Variants in SGSM1 observed in about 807,000 individuals in gnomAD.
SGSM1 encodes the protein RUN and TBC1 domain containing 2.
A neutral mutation model predicts 133.8 loss-of-function variants in SGSM1; 73 were observed. The observed-to-expected ratio is 0.55, with a 90% CI of 0.45 to 0.66. SGSM1 has a LOEUF of 0.66. Ranked by LOEUF, SGSM1 falls within the 30% of genes least tolerant of loss-of-function variation. The pLI is 0.00. For missense variants in SGSM1, 1,213 were observed against 1,448.1 expected (o/e 0.84, Z 2.64); for synonymous variants, 563 against 573.0 (o/e 0.98, Z 0.25).
chr22:24,855,188 C>T, intron 6 of SGSM1, 97 bp from the exon 7 acceptor site: 2 of 1,548,488 alleles, frequency 1.3e-6, no homozygotes, highest in Admixed American at 2.0e-5. Context: ...TTCTAGCTGG[C>T]TGGAGGGGAG....
chr22:24,913,052 G>A (rs1000873085), intron 22 of SGSM1, among the ~76,000 whole-genome samples: 6 of 151,984 alleles, frequency 3.9e-5, no homozygotes, highest in South Asian at 2.1e-4. Flanking sequence ...CATAGTCCAC[G>A]GGCTGGCAAC....
intron 2 of SGSM1, among the ~76,000 whole-genome samples, chr22:24,812,169 C>CAAAAA (rs1351864022): frequency 4.3e-5 from 3 of 70,036 alleles, no homozygotes; most frequent in South Asian, 4.4e-4. Flanking sequence ...GACTCCGTCT[C>CAAAAA]AAAAAAAGAA....
At chr22:24,824,238 G>A (rs1279574066) in intron 2 of SGSM1, among the ~76,000 whole-genome samples, 1 of 152,214 alleles carries the variant, frequency 6.6e-6, no homozygotes, top group African/African-American at 2.4e-5. Flanking sequence ...ATCAAGTGGA[G>A]GGGACTGCAT....
chr22:24,855,264 C>T, intron 6 of SGSM1, 21 bp from the exon 7 acceptor site: 1 of 1,601,060 alleles, frequency 6.2e-7, no homozygotes, highest in Non-Finnish European at 8.5e-7. Flanking sequence ...AGTGGGTTTC[C>T]AGCCCCCACA....
Position 24,850,310 on chromosome 22 carries a change from T to C in SGSM1, c.333T>C (p.Asn111=). Residue 111 remains asparagine, a synonymous_variant, in exon 5 of 25, where the codon AAT becomes AAC. Coordinates refer to ENST00000400358, the MANE Select transcript of SGSM1 (RefSeq NM_001098497.3). ...ACCAGATTCAAGGCCTCCAGGAGAA[T>C]GTGCGGAAGCTGCCGAAGCTGCCCA... ...ARNQIQGLQE[N]VRKLPKLPNL... 1 of 1,610,198 alleles carries C rather than the reference T, an allele frequency of 6.2e-7. No individual in the cohort carries two copies. The highest frequency in any genetic ancestry group is 8.5e-7 in the Non-Finnish European group (1 of 1,178,220).
intron 16 of SGSM1, among the ~76,000 whole-genome samples, chr22:24,887,103 TTA>T (rs1224570145): frequency 7.3e-4 from 64 of 88,142 alleles, no homozygotes; most frequent in African/African-American, 2.3e-3. Flanking sequence ...TTACTTGTAC[TTA>T]TTTGTGTGTG....
At chr22:24,842,944 A>G (rs1375569499) in intron 2 of SGSM1, among the ~76,000 whole-genome samples, 1 of 152,166 alleles carries the variant, frequency 6.6e-6, no homozygotes, top group African/African-American at 2.4e-5. Flanking sequence ...GGAGAAAACT[A>G]AGGTTCAGAG....
Position 24,908,003 on chromosome 22 carries a change from C to A in SGSM1, c.2818+2816C>A, listed in dbSNP as rs1412866621. On this transcript the variant is annotated intron_variant, in intron 21 of 24. Transcript: ENST00000400358. ...AAAGATACTTAAAATAGTGATATTT[C>A]TGTAAGGATCAACATGTAGATCAAT... Among the ~76,000 whole-genome samples, 5 of 147,942 alleles carry A rather than the reference C, an allele frequency of 3.4e-5. No individual in the cohort carries two copies. In the Admixed American group the frequency reaches 3.4e-4, roughly 10 times the overall value.
At chr22:24,883,714 T>C (rs1348982421) in intron 14 of SGSM1, among the ~76,000 whole-genome samples, 1 of 152,110 alleles carries the variant, frequency 6.6e-6, no homozygotes, top group Non-Finnish European at 1.5e-5. Context: ...CCCAGCACTT[T>C]GGGAGGCTGA....
intron 13 of SGSM1, 136 bp downstream of exon 13, chr22:24,876,851 C>G (rs184952975): frequency 8.7e-7 from 1 of 1,146,542 alleles, no homozygotes; most frequent in Admixed American, 2.6e-5. Flanking sequence ...TAAATCCTGG[C>G]CATGAAATCC....
At chr22:24,900,944 C>CT (rs1237242770) in intron 19 of SGSM1, among the ~76,000 whole-genome samples, 1 of 152,174 alleles carries the variant, frequency 6.6e-6, no homozygotes, top group East Asian at 1.9e-4. Context: ...TCTTCTGCTT[C>CT]TTTCTAGTGC....
At chr22:24,831,689 A>G (rs1929127843) in intron 2 of SGSM1, among the ~76,000 whole-genome samples, 1 of 152,132 alleles carries the variant, frequency 6.6e-6, no homozygotes, top group Non-Finnish European at 1.5e-5. Flanking sequence ...CAAAACAAAA[A>G]GCCCTCTTGA....
chr22:24,867,232 T>C (rs1931509905), intron 10 of SGSM1, 72 bp downstream of exon 10: 2 of 1,454,606 alleles, frequency 1.4e-6, no homozygotes, highest in African/African-American at 2.8e-5. Flanking sequence ...TCCCTGCCTA[T>C]TCATTAGCAT....
chr22:24,867,249 C>T (rs138089833), intron 10 of SGSM1, 89 bp downstream of exon 10: 22 of 1,272,820 alleles, frequency 1.7e-5, no homozygotes, highest in Admixed American at 1.7e-4. Flanking sequence ...GCATCATGAG[C>T]GAATGATATG....
chr22:24,809,449 C>A (rs1192671388), intron 2 of SGSM1, among the ~76,000 whole-genome samples: 1 of 152,182 alleles, frequency 6.6e-6, no homozygotes, highest in Non-Finnish European at 1.5e-5. Context: ...CCTTAACAAT[C>A]GACATCTCTA....
At position 24,881,334 on chromosome 22, in the gene SGSM1, A is replaced by G. The variant is rs927007415; in HGVS notation, c.1495+1808A>G. Among the ~76,000 whole-genome samples, 8 of 146,914 alleles carry G rather than the reference A, an allele frequency of 5.4e-5. 1 individual carries two copies. The highest frequency in any genetic ancestry group is 1.4e-4 in the Admixed American group (2 of 14,330). On this transcript the variant is annotated intron_variant, in intron 14 of 24. Transcript: ENST00000400358. ...GTAATCCCAGCACTTTGGGAGGCCT[A>G]GGTGGGCGGATCACGAGGTCAGGAG...
chr22:24,840,779 C>T (rs977888905), intron 2 of SGSM1, among the ~76,000 whole-genome samples: 11 of 152,078 alleles, frequency 7.2e-5, no homozygotes, highest in African/African-American at 2.7e-4. Context: ...GCTGTAAGTT[C>T]CTTCTTAGCA....
chr22:24,858,753 G>T (rs1930958411), intron 8 of SGSM1, among the ~76,000 whole-genome samples: 1 of 152,098 alleles, frequency 6.6e-6, no homozygotes, highest in East Asian at 1.9e-4. Flanking sequence ...TCTGTTCCCA[G>T]CCTTCCTATG....
At chr22:24,816,844 C>T (rs956774632) in intron 2 of SGSM1, among the ~76,000 whole-genome samples, 4 of 152,170 alleles carry the variant, frequency 2.6e-5, no homozygotes, top group Admixed American at 2.6e-4. Context: ...TGCCCAGCAG[C>T]TCTAGGGGCA....
Sources: allele counts gnomAD v4.1 joint callset (sites outside exome capture counted in the v4.1 genomes callset), GRCh38; gene constraint gnomAD v4.1.1; transcripts MANE v1.5; gene names NCBI Gene and HGNC (gene_info 2026-07-23, HGNC 2026-07-21).